Variants in ST6GALNAC2 observed in about 807,000 individuals in gnomAD.
ST6GALNAC2 encodes the protein ST6 N-acetylgalactosaminide alpha-2,6-sialyltransferase 2.
A neutral mutation model predicts 38.7 loss-of-function variants in ST6GALNAC2; 42 were observed. That is an observed-to-expected ratio of 1.09 (90% CI 0.85 to 1.40). The LOEUF (loss-of-function observed/expected upper bound fraction) is 1.40, where lower values mean the gene tolerates loss of function less well. ST6GALNAC2 is among the 40% of genes most tolerant of loss of function. The pLI is 0.00. For synonymous variants in ST6GALNAC2, 233 were observed against 209.0 expected (o/e 1.11, Z -0.99); for missense variants, 506 against 481.7 (o/e 1.05, Z -0.47).
chr17:76,578,744 C>T lies in ST6GALNAC2; in HGVS notation c.186+12G>A, dbSNP rs2304921. 0.069 allele frequency: 110,883 copies of T among 1,610,884 alleles called. 4,526 individuals are homozygous for T. Among genetic ancestry groups the T allele is most frequent in the South Asian group, 0.15 (13,258 of 90,646 alleles). On this transcript the variant is annotated intron_variant, in intron 2 of 8. Coordinates refer to ENST00000225276, the MANE Select transcript of ST6GALNAC2 (RefSeq NM_006456.3). ...GTGCTCAAAACTGCCACAGGGTAGT[C>T]GACCACTCTACCTTTCCTGTCCAAG...
rs773908530 is a variant in ST6GALNAC2 at position 76,585,813 on chromosome 17, C to A, written c.-5G>T. 1.0e-5 allele frequency: 16 copies of A among 1,536,596 alleles called. No individual in the cohort carries two copies. Among genetic ancestry groups the A allele is most frequent in the Non-Finnish European group, 1.4e-5 (16 of 1,144,372 alleles). On this transcript the variant is annotated 5_prime_UTR_variant, in exon 1 of 9. Coordinates refer to ENST00000225276, the MANE Select transcript of ST6GALNAC2 (RefSeq NM_006456.3). ...CGACCCGCGCGGGAGCCCCATACAG[C>A]CCCGGCCCGCGAGCGCCCCGTCCGC...
chr17:76,570,804 A>G, intron 5 of ST6GALNAC2, 136 bp from the exon 6 acceptor site: 1 of 679,084 alleles, frequency 1.5e-6, no homozygotes, highest in Non-Finnish European at 2.6e-6. Flanking sequence ...TCCCACCCAG[A>G]GGTGCTGTAC....
intron 2 of ST6GALNAC2, among the ~76,000 whole-genome samples, chr17:76,575,183 G>T (rs939295258): frequency 6.6e-6 from 1 of 152,164 alleles, no homozygotes; most frequent in South Asian, 2.1e-4. Flanking sequence ...AGTAGTTTCA[G>T]CCTGGGCTGA....
rs186872627 is a variant in ST6GALNAC2 at position 76,566,021 on chromosome 17, T to C, written c.*83A>G. 74 of 1,446,718 alleles carry C rather than the reference T, an allele frequency of 5.1e-5. 2 individuals are homozygous for C. The highest frequency in any genetic ancestry group is 4.6e-4 in the Middle Eastern group (2 of 4,334). 89.6% of individuals were successfully genotyped at this position (1,446,718 alleles called of 1,614,324 possible). On this transcript the variant is annotated 3_prime_UTR_variant, in exon 9 of 9. Transcript: ENST00000225276. ...CTCTGTTGGCAAGGGAAGGTGAAGA[T>C]TGAAAAGTTAAAAAAGCTTTTGGCC...
intron 6 of ST6GALNAC2, chr17:76,569,664 T>G (rs1310719647): frequency 2.5e-6 from 1 of 397,854 alleles, no homozygotes; most frequent in Non-Finnish European, 4.4e-6. Flanking sequence ...TTGGGGAGGC[T>G]TAGGTCCACC....
At chr17:76,585,060 G>A (rs990341355) in intron 1 of ST6GALNAC2, among the ~76,000 whole-genome samples, 7 of 152,372 alleles carry the variant, frequency 4.6e-5, no homozygotes, top group Non-Finnish European at 8.8e-5. Context: ...GGCGCGGGGA[G>A]GAGAACGCGG....
In ST6GALNAC2 at chr17:76,565,661, A is replaced by G; in HGVS notation, c.*443T>C. 1 of 156,866 alleles carries G rather than the reference A, an allele frequency of 6.4e-6. No homozygotes were observed. Among genetic ancestry groups the G allele is most frequent in the Non-Finnish European group, 1.4e-5 (1 of 71,076 alleles). 9.7% of individuals were successfully genotyped at this position (156,866 alleles called of 1,614,324 possible). A position where few individuals can be genotyped will look rare whatever the true frequency, so the allele number is the denominator to read the frequency against. On this transcript the variant is annotated 3_prime_UTR_variant, in exon 9 of 9. Coordinates refer to ENST00000225276, the MANE Select transcript of ST6GALNAC2 (RefSeq NM_006456.3). The stretch of plus-strand genomic sequence containing the variant: ...TTTCTCCCACTTTATTATGGAGCAG[A>G]AGTAAGCCTATCATGTTCTTAGAAA...
chr17:76,585,770 G>C lies in ST6GALNAC2; in HGVS notation c.39C>G (p.Leu13=), dbSNP rs2075538328. ...LPRGSFFWLL[L]LLTAACSGLL... is the part of the protein sequence containing the mutation. ...GCCCCGAGCAGGCAGCCGTGAGCAG[G>C]AGCAGCAGCCAGAAGAACGACCCGC... is the stretch of plus-strand genomic sequence containing the variant. Residue 13 remains leucine (L), a synonymous_variant, in exon 1 of 9, where the codon CTC becomes CTG. Coordinates refer to ENST00000225276, the MANE Select transcript of ST6GALNAC2 (RefSeq NM_006456.3). 3 of 1,555,382 alleles carry C rather than the reference G, an allele frequency of 1.9e-6. No individual in the cohort carries two copies. The highest frequency in any genetic ancestry group is 2.6e-6 in the Non-Finnish European group (3 of 1,152,666).
chr17:76,570,550 G>A lies in ST6GALNAC2; in HGVS notation c.773+15C>T, dbSNP rs759259539. The A allele has an allele frequency of 1.8e-5, 28 of 1,587,604 alleles. No individual in the cohort carries two copies. The highest frequency in any genetic ancestry group is 5.4e-5 in the African/African-American group (4 of 74,436). On this transcript the variant is annotated intron_variant, in intron 6 of 8. Transcript: ENST00000225276. ...CCTCTGCCACGCCCCACACCACCAC[G>A]GCCTGGCTGCTCACCTGTCCCCTTT...
At chr17:76,567,378 A>G in intron 8 of ST6GALNAC2, 75 bp downstream of exon 8, 2 of 1,061,710 alleles carry the variant, frequency 1.9e-6, no homozygotes, top group Middle Eastern at 2.2e-4. Context: ...GAGGTAAGGG[A>G]TATCAGGGGA....
At chr17:76,576,970 CAA>C (rs540729757) in intron 2 of ST6GALNAC2, among the ~76,000 whole-genome samples, 8 of 99,994 alleles carry the variant, frequency 8.0e-5, no homozygotes, top group Admixed American at 1.1e-4. Flanking sequence ...AACTCCATCT[CAA>C]AAAAAAAAAA....
intron 1 of ST6GALNAC2, among the ~76,000 whole-genome samples, chr17:76,581,564 G>C (rs1281975742): frequency 2.0e-5 from 3 of 152,100 alleles, no homozygotes; most frequent in Non-Finnish European, 4.4e-5. Context: ...TAAAGGAGAT[G>C]ATGGGGAACC....
At position 76,573,159 on chromosome 17, in the gene ST6GALNAC2, T is replaced by TACCAACCCC; in HGVS notation, c.530+35_530+36insGGGGTTGGT. The stretch of plus-strand genomic sequence containing the variant: ...GACACCCCCACCCTCCAGGCAACTC[T>TACCAACCCC]CCCTCCCGCCCCTCCCCAGCTCCTA... On this transcript the variant is annotated intron_variant, in intron 4 of 8. Transcript: ENST00000225276. This position sits in a 1 kb window ranked among gnomAD's most constrained non-coding sequence, Gnocchi z 5.1. The TACCAACCCC allele has an allele frequency of 6.5e-7, 1 of 1,530,318 alleles. No individual in the cohort carries two copies. The highest frequency in any genetic ancestry group is 8.9e-7 in the Non-Finnish European group (1 of 1,120,828). 94.8% of individuals were successfully genotyped at this position (1,530,318 alleles called of 1,614,324 possible).
intron 2 of ST6GALNAC2, among the ~76,000 whole-genome samples, chr17:76,575,845 C>T (rs8070052): frequency 3.9e-5 from 6 of 152,082 alleles, no homozygotes; most frequent in African/African-American, 1.2e-4. Flanking sequence ...TTAAGCCATT[C>T]GTTTGATCAA....
At chr17:76,568,623 G>A (rs1167060634) in intron 7 of ST6GALNAC2, 90 bp downstream of exon 7, 1 of 1,252,260 alleles carries the variant, frequency 8.0e-7, no homozygotes, top group African/African-American at 1.5e-5. Context: ...TCAGTGCGTG[G>A]GGCTCGTGCG....
At chr17:76,579,463 G>A (rs910215503) in intron 1 of ST6GALNAC2, among the ~76,000 whole-genome samples, 2 of 152,350 alleles carry the variant, frequency 1.3e-5, no homozygotes, top group Admixed American at 6.5e-5. Flanking sequence ...CAGGCATTAG[G>A]TCTGAGATGA....
intron 1 of ST6GALNAC2, among the ~76,000 whole-genome samples, chr17:76,585,069 G>C (rs1358688964): frequency 6.6e-6 from 1 of 152,224 alleles, no homozygotes; most frequent in African/African-American, 2.4e-5. Flanking sequence ...AGGAGAACGC[G>C]GATGGAGCCA....
intron 1 of ST6GALNAC2, among the ~76,000 whole-genome samples, chr17:76,582,519 C>T (rs892092067): frequency 4.6e-5 from 7 of 152,066 alleles, no homozygotes; most frequent in African/African-American, 1.4e-4. Context: ...AAAAACATAA[C>T]GTTGACAATG....
At position 76,567,755 on chromosome 17, in the gene ST6GALNAC2, C is replaced by T. The variant is rs368784034; in HGVS notation, c.858-203G>A. 15 of 508,814 alleles carry T rather than the reference C, an allele frequency of 2.9e-5. 1 individual carries two copies. In the South Asian group the frequency reaches 3.7e-4, roughly 12 times the overall value. The allele number at this position is 508,814 out of a possible 1,614,324, so 31.5% of individuals were successfully genotyped here. On this transcript the variant is annotated intron_variant, in intron 7 of 8. Coordinates refer to ENST00000225276, the MANE Select transcript of ST6GALNAC2 (RefSeq NM_006456.3). ...GGGGAGGGGGTGGTGAGAAAGGAAC[C>T]ACAGGTTCCCCCTTTTGGCAACAGC...
Sources: gnomAD v4.1 joint callset for allele counts (sites outside exome capture counted in the v4.1 genomes callset) on GRCh38, gnomAD v4.1.1 for gene constraint, Gnocchi (gnomAD v3.1) non-coding constraint, MANE v1.5 for transcripts, NCBI Gene and HGNC (gene_info 2026-07-23, HGNC 2026-07-21) for gene names.